Variants in TEX10 observed in about 807,000 individuals in gnomAD.
TEX10 encodes the protein testis-expressed protein 10.
In TEX10, 24 loss-of-function variants were observed where a neutral mutation model predicts 104.4. The ratio of observed to expected loss-of-function variants is 0.23; its 90% CI spans 0.17 to 0.32. TEX10 has a LOEUF of 0.32. TEX10 is among the 10% of genes least tolerant of loss of function. The pLI is 1.00. For missense variants in TEX10, 921 were observed against 1,083.9 expected (o/e 0.85, Z 2.11); for synonymous variants, 396 against 393.4 (o/e 1.01, Z -0.08).
intron 10 of TEX10, among the ~76,000 whole-genome samples, chr9:100,320,849 T>A (rs938659708): frequency 3.9e-5 from 6 of 152,218 alleles, no homozygotes; most frequent in Non-Finnish European, 7.3e-5. Context: ...ACTTTGACAA[T>A]ACATGTATAG....
intron 4 of TEX10, among the ~76,000 whole-genome samples, chr9:100,345,856 G>A (rs1416722096): frequency 6.0e-5 from 7 of 117,130 alleles, no homozygotes; most frequent in Admixed American, 5.0e-4. Context: ...CATGAGTTAC[G>A]CATTTCACTT....
chr9:100,310,950 T>C lies in TEX10; in HGVS notation c.2203-571A>G, dbSNP rs566907484. ...AAAAGAATGAGAAACCTTCTCTTCT[T>C]TCTCATACCCCTCAAGTGGCTTACA... On this transcript the variant is annotated intron_variant, in intron 11 of 14. Coordinates refer to ENST00000374902, the MANE Select transcript of TEX10 (RefSeq NM_017746.4). Among the ~76,000 whole-genome samples the C allele has an allele frequency of 4.3e-4, 65 of 152,104 alleles. 2 individuals are homozygous for C. In the South Asian group the frequency reaches 0.013, roughly 31 times the overall value.
intron 4 of TEX10, among the ~76,000 whole-genome samples, chr9:100,341,592 A>G (rs1417811106): frequency 6.6e-6 from 1 of 152,098 alleles, no homozygotes; most frequent in Non-Finnish European, 1.5e-5. Context: ...AGTTCTCATC[A>G]TTTCAACCAC....
chr9:100,327,950 T>C lies in TEX10; in HGVS notation c.1638A>G (p.Lys546=). 6.4e-7 allele frequency: 1 copy of C among 1,564,374 alleles called. No homozygotes were observed. The highest frequency in any genetic ancestry group is 8.7e-7 in the Non-Finnish European group (1 of 1,147,784). The change falls in exon 8 of 15, where the codon AAA becomes AAG. Residue 546 remains lysine (K), a synonymous_variant. Coordinates refer to ENST00000374902, the MANE Select transcript of TEX10 (RefSeq NM_017746.4). ...AGCCAGCCAGCCAACGGGATAACAC[T>C]TTACTACGATATCTTAGAAAGGCCA... ...LRSCRFRYRS[K]VLSRWLAGLP...
rs1427230794 is a variant in TEX10, at chr9:100,302,144, A to AGAT, written c.*44_*46dup. 3 of 1,151,032 alleles carry AGAT rather than the reference A, an allele frequency of 2.6e-6. No individual in the cohort carries two copies. Among genetic ancestry groups the AGAT allele is most frequent in the African/African-American group, 1.6e-5 (1 of 63,550 alleles). 71.3% of individuals were successfully genotyped at this position (1,151,032 alleles called of 1,614,324 possible). A position where few individuals can be genotyped will look rare whatever the true frequency, so the allele number is the denominator to read the frequency against. On this transcript the variant is annotated 3_prime_UTR_variant, in exon 15 of 15. Coordinates refer to ENST00000374902, the MANE Select transcript of TEX10 (RefSeq NM_017746.4). ...TTACATCAGTCTTTTTCTTCAAATA[A>AGAT]GATAGATGTGAATAAACAACTTCAA...
chr9:100,310,906 A>C (rs959294915), intron 11 of TEX10, among the ~76,000 whole-genome samples: 2 of 152,222 alleles, frequency 1.3e-5, no homozygotes, highest in Non-Finnish European at 2.9e-5. Flanking sequence ...AGCCCCTATT[A>C]GATGCCATGC....
chr9:100,322,962 C>T (rs539921574), intron 9 of TEX10, among the ~76,000 whole-genome samples: 2 of 152,244 alleles, frequency 1.3e-5, no homozygotes, highest in East Asian at 1.9e-4. Flanking sequence ...AATGAAAACA[C>T]TCTTCTTGAG....
chr9:100,316,465 GAAC>G (rs1471429619), intron 11 of TEX10, among the ~76,000 whole-genome samples: 8 of 152,098 alleles, frequency 5.3e-5, no homozygotes, highest in Admixed American at 5.2e-4. Context: ...GTAAGAAATG[GAAC>G]AAGACAAGGA....
At chr9:100,321,623 G>A in intron 10 of TEX10, 60 bp downstream of exon 10, 2 of 1,336,676 alleles carry the variant, frequency 1.5e-6, no homozygotes, top group Non-Finnish European at 2.1e-6. Flanking sequence ...AATCTTAGAA[G>A]GAGAATTGTG....
chr9:100,303,542 TCCTC>T, intron 14 of TEX10, 86 bp downstream of exon 14: 2 of 1,402,178 alleles, frequency 1.4e-6, no homozygotes, highest in Non-Finnish European at 2.0e-6. Context: ...GGGATCCCTT[TCCTC>T]CCTCAAAACA....
At chr9:100,339,290 T>TATATATAC (rs373547327) in intron 5 of TEX10, among the ~76,000 whole-genome samples, 4 of 126,864 alleles carry the variant, frequency 3.2e-5, no homozygotes, top group African/African-American at 9.1e-5. Context: ...TATATATATA[T>TATATATAC]ACATATATAT....
At position 100,303,562 on chromosome 9, in the gene TEX10, T is replaced by C. The variant is rs992956901; in HGVS notation, c.2676+70A>G. 5.2e-6 allele frequency: 8 copies of C among 1,536,654 alleles called. No individual in the cohort carries two copies. In the Admixed American group the frequency reaches 1.4e-4, roughly 26 times the overall value. ...CCCTTTCCTCCCTCAAAACACACTT[T>C]CCCCCATGCCCCCGTCATAAATTCA... is the stretch of plus-strand genomic sequence containing the variant. On this transcript the variant is annotated intron_variant, in intron 14 of 14. Coordinates refer to ENST00000374902, the MANE Select transcript of TEX10 (RefSeq NM_017746.4).
chr9:100,349,116 C>T, intron 2 of TEX10, 68 bp downstream of exon 2: 2 of 1,353,860 alleles, frequency 1.5e-6, no homozygotes, highest in Non-Finnish European at 1.9e-6. Context: ...CAAATTTTCA[C>T]AAAAATATAA....
At chr9:100,308,914 C>G (rs1187611967) in intron 12 of TEX10, among the ~76,000 whole-genome samples, 1 of 152,186 alleles carries the variant, frequency 6.6e-6, no homozygotes, top group Non-Finnish European at 1.5e-5. Context: ...TAACCCAATC[C>G]ACTGCCTCCC....
At chr9:100,313,913 GGTTTTGGTAT>G (rs1834346453) in intron 11 of TEX10, among the ~76,000 whole-genome samples, 1 of 151,560 alleles carries the variant, frequency 6.6e-6, no homozygotes, top group South Asian at 2.1e-4. Flanking sequence ...GTCCCTGTAT[GGTTTTGGTAT>G]CACGTGATAC....
At chr9:100,332,513 T>C (rs1240313593) in intron 5 of TEX10, among the ~76,000 whole-genome samples, 2 of 152,132 alleles carry the variant, frequency 1.3e-5, no homozygotes, top group Non-Finnish European at 2.9e-5. Flanking sequence ...AAAGGTAGTA[T>C]AGGTAATTAT....
At chr9:100,320,211 G>T in intron 11 of TEX10, 54 bp downstream of exon 11, 1 of 1,506,788 alleles carries the variant, frequency 6.6e-7, no homozygotes, top group Non-Finnish European at 9.0e-7. Context: ...AACTATTACT[G>T]GTTGATGAAC....
chr9:100,351,669 C>T (rs998929263), intron 1 of TEX10, among the ~76,000 whole-genome samples: 1 of 152,126 alleles, frequency 6.6e-6, no homozygotes, highest in South Asian at 2.1e-4. Context: ...CAACTTCATG[C>T]CATATTATCT....
chr9:100,304,202 C>A, intron 13 of TEX10: 1 of 263,524 alleles, frequency 3.8e-6, no homozygotes, highest in South Asian at 5.3e-5. Context: ...CAACTGTATT[C>A]CTATCAAACT....
Sources: allele counts gnomAD v4.1 joint callset (sites outside exome capture counted in the v4.1 genomes callset), GRCh38; gene constraint gnomAD v4.1.1; transcripts MANE v1.5; gene names NCBI Gene and HGNC (gene_info 2026-07-23, HGNC 2026-07-21).